Variants in DAB1 observed in about 807,000 individuals in gnomAD.
The protein encoded by DAB1 is disabled homolog 1.
A neutral mutation model predicts 64.6 loss-of-function variants in DAB1; 15 were observed. The observed-to-expected ratio is 0.23, with a 90% CI of 0.16 to 0.36. DAB1 has a LOEUF of 0.36. DAB1 is among the 10% of genes least tolerant of loss of function. The pLI is 1.00. For missense variants in DAB1, 596 were observed against 706.7 expected (o/e 0.84, Z 1.78); for synonymous variants, 235 against 251.9 (o/e 0.93, Z 0.64).
rs6698616 is a variant in DAB1 at position 58,036,003 on chromosome 1, G to T, written n.387+114508C>A. On this transcript the variant is annotated intron_variant and non_coding_transcript_variant, in intron 5 of 20. Coordinates refer to the DAB1 transcript ENST00000485760. ...TGTTAAATAGGAGCTTGATTTAATT[G>T]GTTGTCTCCAAACCCCACTTAGCCT... Among the ~76,000 whole-genome samples, 86 of 151,986 alleles carry T rather than the reference G, an allele frequency of 5.7e-4. 1 individual carries two copies. The highest frequency in any genetic ancestry group is 1.1e-3 in the Non-Finnish European group (77 of 67,990).
At chr1:58,470,982 A>C (rs1227239271) in intron 3 of DAB1, among the ~76,000 whole-genome samples, 2 of 152,200 alleles carry the variant, frequency 1.3e-5, no homozygotes, top group Non-Finnish European at 2.9e-5. Context: ...ACAGAGGGGA[A>C]GGGATTTAAT....
At chr1:57,391,281 T>A (rs750604050) in intron 1 of DAB1, among the ~76,000 whole-genome samples, 1 of 152,146 alleles carries the variant, frequency 6.6e-6, no homozygotes, top group Non-Finnish European at 1.5e-5. Context: ...CAAAGATGTA[T>A]GAAAAAAGAA....
chr1:57,956,032 T>G (rs1241056417), intron 5 of DAB1, among the ~76,000 whole-genome samples: 1 of 152,164 alleles, frequency 6.6e-6, no homozygotes, highest in Non-Finnish European at 1.5e-5. Flanking sequence ...TAGTGAGAGA[T>G]AGACTTTCTC....
chr1:58,049,816 G>A (rs1241935032), intron 5 of DAB1, among the ~76,000 whole-genome samples: 11 of 142,706 alleles, frequency 7.7e-5, no homozygotes, highest in Non-Finnish European at 9.2e-5. Flanking sequence ...TGGCATACAC[G>A]CATATGCACA....
At chr1:57,152,455 G>A (rs1203801321) in intron 2 of DAB1, among the ~76,000 whole-genome samples, 1 of 152,232 alleles carries the variant, frequency 6.6e-6, no homozygotes, top group Non-Finnish European at 1.5e-5. Flanking sequence ...AATTCCAAAG[G>A]AGGAAGATAT....
intron 4 of DAB1, among the ~76,000 whole-genome samples, chr1:57,118,379 G>A (rs1275755164): frequency 6.6e-6 from 1 of 152,128 alleles, no homozygotes; most frequent in Non-Finnish European, 1.5e-5. Flanking sequence ...GACACAACAT[G>A]TATTAAGACA....
intron 5 of DAB1, among the ~76,000 whole-genome samples, chr1:57,916,357 C>T (rs1165500075): frequency 6.6e-6 from 1 of 152,156 alleles, no homozygotes; most frequent in Non-Finnish European, 1.5e-5. Flanking sequence ...TGAATCCATT[C>T]GAACATAGGC....
At chr1:57,862,357 G>T (rs1270344873) in intron 1 of DAB1, 1 of 152,114 alleles carries the variant, frequency 6.6e-6, no homozygotes, top group Non-Finnish European at 1.5e-5. Flanking sequence ...CCTTTCATGT[G>T]CTTGGCTATG....
intron 7 of DAB1, among the ~76,000 whole-genome samples, chr1:57,564,499 A>C (rs545127876): frequency 1.3e-5 from 2 of 152,306 alleles, no homozygotes; most frequent in East Asian, 3.9e-4. Flanking sequence ...TAAAGGAGGA[A>C]GTCTGAACCC....
intron 3 of DAB1, among the ~76,000 whole-genome samples, chr1:58,355,367 T>C (rs1247291787): frequency 6.6e-6 from 1 of 152,200 alleles, no homozygotes; most frequent in Non-Finnish European, 1.5e-5. Context: ...GAGTGTACCT[T>C]TGGTGGTCTA....
At chr1:58,306,069 C>T (rs778324413) in intron 4 of DAB1, among the ~76,000 whole-genome samples, 8 of 151,066 alleles carry the variant, frequency 5.3e-5, no homozygotes, top group Non-Finnish European at 1.0e-4. Context: ...GGTCAGGGTT[C>T]GCCTGTGTGG....
chr1:58,096,602 G>T (rs756731141), intron 5 of DAB1, among the ~76,000 whole-genome samples: 2 of 152,218 alleles, frequency 1.3e-5, no homozygotes, highest in Non-Finnish European at 2.9e-5. Flanking sequence ...ACCACAAATT[G>T]AGATGGTTCA....
chr1:57,194,066 T>G (rs2100225914), intron 2 of DAB1, among the ~76,000 whole-genome samples: 1 of 152,328 alleles, frequency 6.6e-6, no homozygotes, highest in Non-Finnish European at 1.5e-5. Flanking sequence ...GCTCAATATC[T>G]GGGAACAAGA....
At chr1:57,878,239 T>C (rs1374354899) in intron 1 of DAB1, 2 of 152,232 alleles carry the variant, frequency 1.3e-5, no homozygotes, top group Non-Finnish European at 2.9e-5. Context: ...TTTGTCAACA[T>C]TGCAAGTAAC....
At chr1:58,114,900 A>T (rs1420491178) in intron 5 of DAB1, among the ~76,000 whole-genome samples, 1 of 152,060 alleles carries the variant, frequency 6.6e-6, no homozygotes, top group Non-Finnish European at 1.5e-5. Context: ...ATCATTTGTT[A>T]AAAAAAATTA....
chr1:57,943,792 A>T (rs1645139224), intron 5 of DAB1, among the ~76,000 whole-genome samples: 1 of 152,106 alleles, frequency 6.6e-6, no homozygotes, highest in Admixed American at 6.5e-5. Flanking sequence ...CTCATACCCG[A>T]GATTTATGGT....
rs187846031 is a variant in DAB1 at position 57,213,995 on chromosome 1, T to C, written c.68-68566A>G. Reference sequence around the variant, plus strand: ...GGGAAGCAGGTATACCAAAAGGTAATTGCAATGCAGTGGGATCTATTAAGT... The same window carrying C: ...GGGAAGCAGGTATACCAAAAGGTAACTGCAATGCAGTGGGATCTATTAAGT... On this transcript the variant is annotated intron_variant, in intron 2 of 14. Coordinates refer to ENST00000371236, the MANE Select transcript of DAB1 (RefSeq NM_001365792.1). 8.8e-4 allele frequency among the ~76,000 whole-genome samples: 134 copies of C among 152,332 alleles called. 1 individual carries two copies. The highest frequency in any genetic ancestry group is 3.0e-3 in the African/African-American group (123 of 41,574).
chr1:57,296,737 T>C (rs1394337627), intron 1 of DAB1, among the ~76,000 whole-genome samples: 1 of 152,036 alleles, frequency 6.6e-6, no homozygotes, highest in East Asian at 1.9e-4. Flanking sequence ...GGGGTAAGAA[T>C]GGAAGGCTGT....
chr1:57,719,756 T>C (rs1647128978), intron 6 of DAB1, among the ~76,000 whole-genome samples: 2 of 152,212 alleles, frequency 1.3e-5, no homozygotes. Flanking sequence ...CTTTATAAAT[T>C]ACCCAGTGTC....
Sources: gnomAD v4.1 joint callset for allele counts (sites outside exome capture counted in the v4.1 genomes callset) on GRCh38, gnomAD v4.1.1 for gene constraint, MANE v1.5 for transcripts, NCBI Gene and HGNC (gene_info 2026-07-23, HGNC 2026-07-21) for gene names.